PTPN9: variants seen among roughly 807,000 people sequenced by gnomAD.
PTPN9 encodes the protein tyrosine-protein phosphatase non-receptor type 9.
In PTPN9, 26 loss-of-function variants were observed where a neutral mutation model predicts 69.8. That is an observed-to-expected ratio of 0.37 (90% CI 0.27 to 0.52). PTPN9 has a LOEUF of 0.52. PTPN9 is among the 20% of genes least tolerant of loss of function. The pLI is 0.91. For synonymous variants in PTPN9, 274 were observed against 272.5 expected (o/e 1.01, Z -0.05); for missense variants, 549 against 740.3 (o/e 0.74, Z 3.00).
At position 75,470,712 on chromosome 15, in the gene PTPN9, TATA is replaced by T; in HGVS notation, c.1324_1326del (p.Tyr442del). ...TTGTGAATTTCTAGCGTTGTTTTCT[TATA>T]ATGATTCATGTTCTCCACGCCTAGA... On this transcript the variant is annotated inframe_deletion, in exon 11 of 13. Coordinates refer to ENST00000618819, the MANE Select transcript of PTPN9 (RefSeq NM_002833.4). 1 of 1,614,248 alleles carries T rather than the reference TATA, an allele frequency of 6.2e-7. No homozygotes were observed. Among genetic ancestry groups the T allele is most frequent in the East Asian group, 2.2e-5 (1 of 44,886 alleles).
chr15:75,472,495 A>T (rs1483898115), intron 10 of PTPN9, among the ~76,000 whole-genome samples: 2 of 136,962 alleles, frequency 1.5e-5, no homozygotes, highest in Non-Finnish European at 3.1e-5. Context: ...TAAAATAAAA[A>T]TAAAATAAAA....
chr15:75,551,013 GCTTA>G (rs1312061976), intron 1 of PTPN9, among the ~76,000 whole-genome samples: 3 of 152,138 alleles, frequency 2.0e-5, no homozygotes, highest in African/African-American at 7.2e-5. Context: ...TTTACTGAGT[GCTTA>G]TAGTGTGCTG....
At chr15:75,473,920 G>A (rs545462369) in intron 9 of PTPN9, among the ~76,000 whole-genome samples, 153 bp from the exon 10 acceptor site, 7 of 152,166 alleles carry the variant, frequency 4.6e-5, no homozygotes, top group Non-Finnish European at 8.8e-5. Context: ...AGTATAGTCC[G>A]TGGACCAATC....
chr15:75,469,325 A>T (rs1045044941), intron 12 of PTPN9, among the ~76,000 whole-genome samples: 2 of 152,278 alleles, frequency 1.3e-5, no homozygotes, highest in Non-Finnish European at 2.9e-5. Flanking sequence ...TCAGAGGCCT[A>T]ACAAAAACCT....
intron 7 of PTPN9, among the ~76,000 whole-genome samples, chr15:75,500,921 A>G (rs1039633333): frequency 1.3e-5 from 2 of 151,930 alleles, no homozygotes; most frequent in Non-Finnish European, 2.9e-5. Context: ...AATAAATACA[A>G]TAAGTAAAAT....
At chr15:75,511,433 A>G (rs1008902108) in intron 5 of PTPN9, among the ~76,000 whole-genome samples, 5 of 152,122 alleles carry the variant, frequency 3.3e-5, no homozygotes, top group Non-Finnish European at 5.9e-5. Context: ...ATAAAAATAC[A>G]AATGGTTTCA....
chr15:75,525,483 C>T (rs1240841413), intron 2 of PTPN9, among the ~76,000 whole-genome samples: 1 of 151,592 alleles, frequency 6.6e-6, no homozygotes, highest in Non-Finnish European at 1.5e-5. Flanking sequence ...CATGAGCCAC[C>T]GCGCCCAGCC....
At chr15:75,574,341 C>A (rs889660969) in intron 1 of PTPN9, among the ~76,000 whole-genome samples, 1 of 150,880 alleles carries the variant, frequency 6.6e-6, no homozygotes, top group African/African-American at 2.4e-5. Context: ...ATGAATGCTT[C>A]TTTGCGGGGC....
At chr15:75,505,471 T>TA (rs904911485) in intron 7 of PTPN9, among the ~76,000 whole-genome samples, 7 of 137,738 alleles carry the variant, frequency 5.1e-5, no homozygotes, top group African/African-American at 1.3e-4. Context: ...AATAAAAATT[T>TA]AAAAAAAAAA....
chr15:75,484,108 C>T (rs2074659917), intron 8 of PTPN9, among the ~76,000 whole-genome samples: 1 of 152,134 alleles, frequency 6.6e-6, no homozygotes, highest in Non-Finnish European at 1.5e-5. Flanking sequence ...TATGTTTATC[C>T]CCCTTCATTC....
chr15:75,505,587 A>G, intron 7 of PTPN9, 88 bp downstream of exon 7: 1 of 965,800 alleles, frequency 1.0e-6, no homozygotes, highest in South Asian at 1.5e-5. Flanking sequence ...GGTCTCTGCT[A>G]AGCAAGTGAG....
intron 7 of PTPN9, among the ~76,000 whole-genome samples, chr15:75,498,379 G>A (rs2074754961): frequency 6.6e-6 from 1 of 151,942 alleles, no homozygotes; most frequent in Non-Finnish European, 1.5e-5. Flanking sequence ...GGTTGCAGGG[G>A]TTAGGAATGG....
chr15:75,504,953 G>A (rs1378090392), intron 7 of PTPN9, among the ~76,000 whole-genome samples: 1 of 152,172 alleles, frequency 6.6e-6, no homozygotes, highest in Admixed American at 6.5e-5. Flanking sequence ...ACCTCGTCTG[G>A]GAGGTGTACC....
Position 75,502,899 on chromosome 15 carries a change from C to A in PTPN9, c.968+2776G>T, listed in dbSNP as rs184036316. ...GGGTTATCCTGTTGGTACCAAAGAC[C>A]TTCAGAAATTTCAGAGCATAGGATG... On this transcript the variant is annotated intron_variant, in intron 7 of 12. Coordinates refer to ENST00000618819, the MANE Select transcript of PTPN9 (RefSeq NM_002833.4). Among the ~76,000 whole-genome samples the A allele has an allele frequency of 1.9e-4, 29 of 152,304 alleles. No individual in the cohort carries two copies. The East Asian group carries it at 5.2e-3, about 27-fold the overall frequency.
At chr15:75,470,134 A>G (rs927840885) in intron 11 of PTPN9, 135 bp from the exon 12 acceptor site, 3 of 811,942 alleles carry the variant, frequency 3.7e-6, no homozygotes, top group East Asian at 5.4e-5. Flanking sequence ...AACTTTTCCC[A>G]TAATTGCTTC....
chr15:75,501,175 C>T (rs959815375), intron 7 of PTPN9, among the ~76,000 whole-genome samples: 3 of 152,102 alleles, frequency 2.0e-5, no homozygotes, highest in African/African-American at 7.2e-5. Flanking sequence ...AAGACTCTAT[C>T]CCTGCATCTT....
chr15:75,540,290 T>C (rs961431255), intron 1 of PTPN9, among the ~76,000 whole-genome samples: 1 of 152,112 alleles, frequency 6.6e-6, no homozygotes, highest in African/African-American at 2.4e-5. Flanking sequence ...GCCGGGCATG[T>C]TGGCTCACGC....
rs1555454396 is a variant in PTPN9 at position 75,500,370 on chromosome 15, C to CAT, written c.968+5303_968+5304dup. Reference sequence around the variant, plus strand: ...ACACACACACACACACACACACACACATATATATACACACACAAATTAGTT... The same window carrying CAT: ...ACACACACACACACACACACACACACATATATATATACACACACAAATTAGTT... On this transcript the variant is annotated intron_variant, in intron 7 of 12. Transcript: ENST00000618819. 4.3e-3 allele frequency among the ~76,000 whole-genome samples: 641 copies of CAT among 149,466 alleles called. 3 individuals are homozygous for CAT. The highest frequency in any genetic ancestry group is 0.014 in the African/African-American group (583 of 40,562).
chr15:75,514,569 C>G (rs1215483934), intron 5 of PTPN9, among the ~76,000 whole-genome samples: 3 of 151,962 alleles, frequency 2.0e-5, no homozygotes, highest in African/African-American at 7.2e-5. Flanking sequence ...CAGAGCAAGA[C>G]CTGGTCTTAA....
Sources: gnomAD v4.1 joint callset for allele counts (sites outside exome capture counted in the v4.1 genomes callset) on GRCh38, gnomAD v4.1.1 for gene constraint, MANE v1.5 for transcripts, NCBI Gene and HGNC (gene_info 2026-07-23, HGNC 2026-07-21) for gene names.